FABP6: variants seen among roughly 807,000 people sequenced by gnomAD.
The protein encoded by FABP6 is gastrotropin.
FABP6 carries 13 observed loss-of-function variants against 14.9 expected under a neutral mutation model. The ratio of observed to expected loss-of-function variants is 0.87; its 90% CI spans 0.57 to 1.39. FABP6 has a LOEUF of 1.39. FABP6 is among the 40% of genes most tolerant of loss of function. The probability of loss-of-function intolerance (pLI) is 0.00; values close to 1 mark genes in which losing one functional copy is unlikely to be tolerated. For missense variants in FABP6, 161 were observed against 167.2 expected, an observed-to-expected ratio of 0.96 and a Z score of 0.20; for synonymous variants, 75 against 63.6, an observed-to-expected ratio of 1.18 and a Z score of -0.85.
intron 2 of FABP6, among the ~76,000 whole-genome samples, chr5:160,201,635 C>T (rs577587533): frequency 1.3e-5 from 2 of 152,056 alleles, no homozygotes; most frequent in Non-Finnish European, 2.9e-5. Flanking sequence ...GATTCCCTCT[C>T]CCCTTCTCAT....
upstream of FABP6, among the ~76,000 whole-genome samples, chr5:160,228,095 TTAATAA>T (rs1248563143): frequency 6.6e-6 from 1 of 151,960 alleles, no homozygotes; most frequent in Non-Finnish European, 1.5e-5. Context: ...GTTTCCTGAA[TTAATAA>T]TAATAATTGG....
At chr5:160,229,224 T>A (rs1760314119), upstream of FABP6, among the ~76,000 whole-genome samples, 1 of 152,046 alleles carries the variant, frequency 6.6e-6, no homozygotes, top group Non-Finnish European at 1.5e-5. Flanking sequence ...TGAGAGATGG[T>A]GAGAGCATGG....
chr5:160,218,695 A>C (rs1760068937), intron 3 of FABP6, among the ~76,000 whole-genome samples: 1 of 151,368 alleles, frequency 6.6e-6, no homozygotes, highest in Non-Finnish European at 1.5e-5. Flanking sequence ...TCTTGACTTC[A>C]GGTGATCCTC....
upstream of FABP6, chr5:160,228,705 G>T: frequency 2.8e-6 from 1 of 361,204 alleles, no homozygotes; most frequent in Non-Finnish European, 5.5e-6. Context: ...GCGCTGCCTA[G>T]GCCCATGGGT....
intron 3 of FABP6, among the ~76,000 whole-genome samples, chr5:160,221,446 C>A (rs926057722): frequency 2.0e-5 from 3 of 152,188 alleles, no homozygotes; most frequent in African/African-American, 7.2e-5. Context: ...AGGGGTTTTA[C>A]AAGGTACGAA....
chr5:160,229,401 C>G (rs1052846478), upstream of FABP6: 5 of 1,480,528 alleles, frequency 3.4e-6, no homozygotes, highest in African/African-American at 5.6e-5. Flanking sequence ...CATAAAACAG[C>G]AAGTGCTTCC....
At position 160,238,697 on chromosome 5, in the gene FABP6, A is replaced by G. The variant is rs565860491; in HGVS notation, c.*38A>G. 14 of 1,601,812 alleles carry G rather than the reference A, an allele frequency of 8.7e-6. No individual in the cohort carries two copies. The Admixed American group carries it at 1.0e-4, about 11-fold the overall frequency. On this transcript the variant is annotated 3_prime_UTR_variant, in exon 4 of 4. Transcript: ENST00000402432. Reference sequence around the variant, plus strand: ...GGCCCAGGGAGCTACAAACCCACCAATAAAACTGATATAAGGACAGACGCT... The same window carrying G: ...GGCCCAGGGAGCTACAAACCCACCAGTAAAACTGATATAAGGACAGACGCT...
At chr5:160,223,363 T>TCCTTCCTTCCTTCCTTCCTTCCTTCCC (rs1554113809) in intron 3 of FABP6, among the ~76,000 whole-genome samples, 49 of 78,998 alleles carry the variant, frequency 6.2e-4, no homozygotes, top group East Asian at 3.3e-3. Flanking sequence ...CCTTCCTTCT[T>TCCTTCCTTCCTTCCTTCCTTCCTTCCC]TCCCTCCCTC....
At chr5:160,233,750 G>A (rs923118073) in intron 2 of FABP6, among the ~76,000 whole-genome samples, 4 of 152,036 alleles carry the variant, frequency 2.6e-5, no homozygotes, top group African/African-American at 9.7e-5. Flanking sequence ...GCCGGTGCCT[G>A]TAATCCCAGC....
Position 160,205,402 on chromosome 5 carries a change from A to G in FABP6, c.51+6245A>G, listed in dbSNP as rs1351281728. 4.0e-5 allele frequency among the ~76,000 whole-genome samples: 6 copies of G among 151,836 alleles called. No homozygotes were observed. In the East Asian group the frequency reaches 9.7e-4, roughly 24 times the overall value. ...TTCATACATGTTCAAAGTCGTGTAC[A>G]CTTATAAACAGACATGCCTGCACAA... On this transcript the variant is annotated intron_variant, in intron 2 of 6. Transcript: ENST00000393980.
intron 2 of FABP6, among the ~76,000 whole-genome samples, chr5:160,206,821 T>A (rs1759777954): frequency 6.6e-6 from 1 of 152,128 alleles, no homozygotes; most frequent in Non-Finnish European, 1.5e-5. Flanking sequence ...GGAGGTCAAG[T>A]CCAGGGTGGC....
At chr5:160,222,548 G>A (rs1406231645) in intron 3 of FABP6, among the ~76,000 whole-genome samples, 1 of 152,046 alleles carries the variant, frequency 6.6e-6, no homozygotes, top group Non-Finnish European at 1.5e-5. Flanking sequence ...TGGCCAGGCT[G>A]GTCTCAAACT....
At chr5:160,206,122 C>T (rs779048827) in intron 2 of FABP6, among the ~76,000 whole-genome samples, 2 of 152,060 alleles carry the variant, frequency 1.3e-5, no homozygotes, top group Non-Finnish European at 2.9e-5. Context: ...CACATGTGCA[C>T]GCTGTTTACA....
intron 2 of FABP6, among the ~76,000 whole-genome samples, chr5:160,233,763 C>T (rs142401505): frequency 1.9e-3 from 285 of 151,970 alleles, no homozygotes; most frequent in Middle Eastern, 3.4e-3. Flanking sequence ...ATCCCAGCTA[C>T]TCGGGAGGCT....
chr5:160,223,332 C>CCTTCCTTCCTTCCTTCCTTCCTT (rs1760168181), intron 3 of FABP6, among the ~76,000 whole-genome samples: 4 of 93,368 alleles, frequency 4.3e-5, no homozygotes, highest in Admixed American at 1.1e-4. Flanking sequence ...TTTTTGCCCG[C>CCTTCCTTCCTTCCTTCCTTCCTT]CCTTCCTTCC....
In FABP6 at chr5:160,194,734, C is replaced by T. The variant is rs150713036; in HGVS notation, c.-58-4315C>T. ...TCCTTACCTCCAGGCCTTTCCTGAC[C>T]CCTCATGTCCCACCTTGATGGCAGT... On this transcript the variant is annotated intron_variant, in intron 1 of 6. Transcript: ENST00000393980. Among the ~76,000 whole-genome samples the T allele has an allele frequency of 6.1e-4, 93 of 152,126 alleles. 1 individual carries two copies. Among genetic ancestry groups the T allele is most frequent in the African/African-American group, 1.9e-3 (77 of 41,472 alleles).
At chr5:160,191,016 G>A (rs1358347693) in intron 1 of FABP6, among the ~76,000 whole-genome samples, 1 of 150,042 alleles carries the variant, frequency 6.7e-6, no homozygotes, top group Admixed American at 6.7e-5. Context: ...TTGAACCCAG[G>A]AGGCAGAGGT....
At chr5:160,224,924 C>T (rs1006622654), upstream of FABP6, among the ~76,000 whole-genome samples, 2 of 151,806 alleles carry the variant, frequency 1.3e-5, no homozygotes, top group Admixed American at 1.3e-4. Context: ...AATACAGGCA[C>T]GTGCCGTCAT....
At position 160,229,631 on chromosome 5, in the gene FABP6, G is replaced by A. The variant is rs1398782829; in HGVS notation, c.67+7G>A. ...GAGTTCATGAAGCTCCTTGGTGAGT[G>A]AGCTCCTGGGTATCCCTTCCTCGGG... On this transcript the variant is annotated splice_region_variant and intron_variant, in intron 1 of 3. Coordinates refer to ENST00000402432, the MANE Select transcript of FABP6 (RefSeq NM_001445.3). 8 of 1,613,604 alleles carry A rather than the reference G, an allele frequency of 5.0e-6. No homozygotes were observed. Among genetic ancestry groups the A allele is most frequent in the Non-Finnish European group, 6.8e-6 (8 of 1,179,696 alleles).
Sources: allele counts gnomAD v4.1 joint callset (sites outside exome capture counted in the v4.1 genomes callset), GRCh38; gene constraint gnomAD v4.1.1; transcripts MANE v1.5; gene names NCBI Gene and HGNC (gene_info 2026-07-23, HGNC 2026-07-21).